CRB2: variants seen among roughly 807,000 people sequenced by gnomAD.
The protein encoded by CRB2 is crumbs cell polarity complex component 2.
A neutral mutation model predicts 110.9 loss-of-function variants in CRB2; 85 were observed. The observed-to-expected ratio is 0.77, with a 90% CI of 0.64 to 0.92. CRB2 has a LOEUF of 0.92. CRB2 is among the 40% of genes least tolerant of loss of function. The probability of loss-of-function intolerance (pLI) is 0.00; values close to 1 mark genes in which losing one functional copy is unlikely to be tolerated. For synonymous variants in CRB2, 907 were observed against 831.0 expected, an observed-to-expected ratio of 1.09 and a Z score of -1.57; for missense variants, 1,843 against 1,851.3, an observed-to-expected ratio of 1.00 and a Z score of 0.08.
downstream of CRB2, among the ~76,000 whole-genome samples, chr9:123,379,342 G>A (rs2042167936): frequency 6.6e-6 from 1 of 152,218 alleles, no homozygotes; most frequent in Non-Finnish European, 1.5e-5. Flanking sequence ...GACTTGCCAG[G>A]TGTCCCCTTG....
At chr9:123,355,319 G>A (rs2041785557), upstream of CRB2, among the ~76,000 whole-genome samples, 1 of 152,148 alleles carries the variant, frequency 6.6e-6, no homozygotes, top group Admixed American at 6.5e-5. Flanking sequence ...TTCCTGGCAG[G>A]GGAGAGCAAT....
At position 123,365,918 on chromosome 9, in the gene CRB2, C is replaced by G. The variant is rs982542456; in HGVS notation, c.420C>G (p.Gly140=). Reference sequence around the variant, plus strand: ...CTGTGTGTCCCCTGCCCTGTCCAGGCGTGACCTGCGAGATGGAGGTGGACG... The same window carrying G: ...CTGTGTGTCCCCTGCCCTGTCCAGGGGTGACCTGCGAGATGGAGGTGGACG... ...YECHCPLGYA[G]VTCEMEVDEC... The change falls in exon 3 of 13, where the codon GGC becomes GGG. Residue 140 remains glycine (G), a splice_region_variant and synonymous_variant. Transcript: ENST00000373631. 2.5e-6 allele frequency: 4 copies of G among 1,592,454 alleles called. No homozygotes were observed. In the African/African-American group the frequency reaches 5.4e-5, roughly 21 times the overall value.
intron 9 of CRB2, 76 bp from the exon 10 acceptor site, chr9:123,373,058 C>T (rs1445405181): frequency 1.6e-6 from 2 of 1,277,766 alleles, no homozygotes; most frequent in Non-Finnish European, 1.0e-6. Context: ...GTCTGCCACT[C>T]GCTGGGGGAA....
chr9:123,376,785 C>T (rs2042109054), intron 12 of CRB2, 53 bp from the exon 13 acceptor site: 14 of 1,500,308 alleles, frequency 9.3e-6, no homozygotes, highest in African/African-American at 2.8e-5. Context: ...CTGAGGGCCC[C>T]GGCGTCCTCC....
At chr9:123,360,755 C>T (rs892704472) in intron 1 of CRB2, among the ~76,000 whole-genome samples, 3 of 152,244 alleles carry the variant, frequency 2.0e-5, no homozygotes, top group Middle Eastern at 3.4e-3. Flanking sequence ...GAGGCTGCTT[C>T]GAGTCTCCCT....
chr9:123,368,265 A>C lies in CRB2; in HGVS notation c.1054+579A>C, dbSNP rs545381691. On this transcript the variant is annotated intron_variant, in intron 6 of 12. Transcript: ENST00000373631. ...CTCCCCCTGGCAGGCTCCTGGGCAC[A>C]GGCTCCTCCACCAGGGGAAAGAGAT... Among the ~76,000 whole-genome samples the C allele has an allele frequency of 3.3e-5, 5 of 152,232 alleles. No individual in the cohort carries two copies. In the East Asian group the frequency reaches 9.7e-4, roughly 29 times the overall value.
At chr9:123,367,057 T>G in intron 4 of CRB2, 115 bp from the exon 5 acceptor site, 1 of 1,099,508 alleles carries the variant, frequency 9.1e-7, no homozygotes, top group Non-Finnish European at 1.3e-6. Context: ...TCCCTCGCCA[T>G]TCGTGGCTTA....
chr9:123,379,069 G>A (rs1027834625), downstream of CRB2, among the ~76,000 whole-genome samples: 3 of 151,826 alleles, frequency 2.0e-5, no homozygotes, highest in Non-Finnish European at 2.9e-5. Context: ...GGGATTATAG[G>A]TGTGGGATGA....
rs760285880 is a variant in CRB2 at position 123,363,161 on chromosome 9, G to A, written c.391G>A (p.Glu131Lys). The A allele has an allele frequency of 1.3e-5, 21 of 1,609,132 alleles. No individual in the cohort carries two copies. In the South Asian group the frequency reaches 1.3e-4, roughly 10 times the overall value. ...ATCRNLADRY[E>K]CHCPLGYAGV... ...CTGCCGCAACCTGGCCGATCGCTAC[G>A]AGTGCCATTGCCCCCTTGGCTATGC... Residue 131 changes from glutamate to lysine, a missense_variant, in exon 2 of 13, where the codon GAG becomes AAG. Physicochemically the swap from Glu to Lys is moderately conservative, Grantham distance 56 (BLOSUM62 1). Transcript: ENST00000373631.
At chr9:123,356,590 G>A (rs2041802081) in intron 1 of CRB2, among the ~76,000 whole-genome samples, 1 of 143,802 alleles carries the variant, frequency 7.0e-6, no homozygotes, top group Admixed American at 7.2e-5. Context: ...AAGTTTCGGG[G>A]TTGGGGGATC....
chr9:123,375,387 G>A (rs757375557), intron 12 of CRB2, 44 bp downstream of exon 12: 4 of 1,533,472 alleles, frequency 2.6e-6, no homozygotes, highest in Non-Finnish European at 3.5e-6. Flanking sequence ...TGGCCTGCTG[G>A]GCCCTTGGCG....
Position 123,377,507 on chromosome 9 carries a change from G to A in CRB2, c.*445G>A, listed in dbSNP as rs1020502792. 4 of 155,634 alleles carry A rather than the reference G, an allele frequency of 2.6e-5. No individual in the cohort carries two copies. In the South Asian group the frequency reaches 8.1e-4, roughly 32 times the overall value. The allele number at this position is 155,634 out of a possible 1,614,324, so 9.6% of individuals were successfully genotyped here. ...ATGGGTGTAGCTGATCCCAGGAGGTGGCGGCTGCGCCATGGGGTCAACCAT... is the reference window on the plus strand; with the variant it reads ...ATGGGTGTAGCTGATCCCAGGAGGTAGCGGCTGCGCCATGGGGTCAACCAT... On this transcript the variant is annotated 3_prime_UTR_variant, in exon 13 of 13. Transcript: ENST00000373631.
intron 6 of CRB2, among the ~76,000 whole-genome samples, 164 bp downstream of exon 6, chr9:123,367,850 T>C (rs1011264614): frequency 6.6e-6 from 1 of 151,856 alleles, no homozygotes; most frequent in Non-Finnish European, 1.5e-5. Context: ...GGGACTCGCT[T>C]TGGAGGTGAG....
chr9:123,360,008 A>G (rs952499968), intron 1 of CRB2, among the ~76,000 whole-genome samples: 4 of 152,060 alleles, frequency 2.6e-5, no homozygotes, highest in African/African-American at 4.8e-5. Flanking sequence ...GTGAGTGGCA[A>G]TTTAGGGTTT....
intron 8 of CRB2, 137 bp downstream of exon 8, chr9:123,371,715 T>A: frequency 8.3e-7 from 1 of 1,208,746 alleles, no homozygotes; most frequent in Non-Finnish European, 1.2e-6. Context: ...CTGCCCAGGG[T>A]CCCACTACAG....
intron 4 of CRB2, among the ~76,000 whole-genome samples, chr9:123,366,572 T>C (rs895519957): frequency 6.6e-6 from 1 of 152,260 alleles, no homozygotes; most frequent in Middle Eastern, 3.4e-3. Context: ...CTGGGGTTGC[T>C]GCGGGGAGCT....
downstream of CRB2, among the ~76,000 whole-genome samples, chr9:123,379,299 C>A (rs2042166400): frequency 6.6e-6 from 1 of 152,210 alleles, no homozygotes; most frequent in Non-Finnish European, 1.5e-5. Flanking sequence ...GAGTCCCAGG[C>A]TCTGTTCTTG....
chr9:123,368,641 G>A (rs948786700), intron 6 of CRB2: 11 of 315,298 alleles, frequency 3.5e-5, no homozygotes, highest in Non-Finnish European at 5.3e-5. Context: ...TCCCAGTTGA[G>A]CTCACTGTTG....
intron 6 of CRB2, among the ~76,000 whole-genome samples, chr9:123,369,769 T>G (rs1172276438): frequency 6.6e-6 from 1 of 151,846 alleles, no homozygotes; most frequent in East Asian, 1.9e-4. Context: ...CTGGTGGAGA[T>G]GGATGGGAAA....
Sources: gnomAD v4.1 joint callset for allele counts (sites outside exome capture counted in the v4.1 genomes callset) on GRCh38, gnomAD v4.1.1 for gene constraint, MANE v1.5 for transcripts, NCBI Gene and HGNC (gene_info 2026-07-23, HGNC 2026-07-21) for gene names.